Variants in HMGB1 observed in about 807,000 individuals in gnomAD.
HMGB1 encodes the protein high mobility group box 1.
For missense variants in HMGB1, 79 were observed against 253.5 expected, an observed-to-expected ratio of 0.31 and a Z score of 4.67; for synonymous variants, 81 against 84.0, an observed-to-expected ratio of 0.96 and a Z score of 0.19.
chr13:30,466,260 C>A (rs1170800123), upstream of HMGB1, among the ~76,000 whole-genome samples: 2 of 151,678 alleles, frequency 1.3e-5, no homozygotes, highest in African/African-American at 4.9e-5. Flanking sequence ...CCACAAGTGT[C>A]TCCAACTCCT....
At chr13:30,567,796 C>T (rs148131058) in intron 1 of HMGB1, among the ~76,000 whole-genome samples, 197 of 152,306 alleles carry the variant, frequency 1.3e-3, no homozygotes, top group African/African-American at 4.5e-3. Context: ...CACTCCATCA[C>T]GGCTCCCAGG....
chr13:30,465,403 C>T (rs1370471485), intron 1 of HMGB1, among the ~76,000 whole-genome samples: 1 of 143,082 alleles, frequency 7.0e-6, no homozygotes, highest in East Asian at 2.0e-4. Flanking sequence ...CGCCGCCGAG[C>T]CGCGCCGGCC....
intron 1 of HMGB1, among the ~76,000 whole-genome samples, chr13:30,569,954 C>T (rs992535219): frequency 6.6e-6 from 1 of 152,194 alleles, no homozygotes; most frequent in Non-Finnish European, 1.5e-5. Flanking sequence ...CAACAGTTCC[C>T]TAGCCTGCCT....
At chr13:30,593,296 T>C (rs8001418) in intron 1 of HMGB1, among the ~76,000 whole-genome samples, 81,500 of 152,044 alleles carry the variant, frequency 0.54, 24,498 homozygotes, top group African/African-American at 0.81. Flanking sequence ...ATAAACAATA[T>C]GGCATATTAA....
intron 1 of HMGB1, among the ~76,000 whole-genome samples, chr13:30,538,695 TTCTTTCTTTTTCTTTCTTTCTTC>T (rs1868681745): frequency 2.1e-5 from 3 of 140,264 alleles, no homozygotes; most frequent in Non-Finnish European, 3.0e-5. Context: ...CTTTCTTTCT[TTCTTTCTTTTTCTTTCTTTCTTC>T]TTTTTCTTTC....
intron 1 of HMGB1, among the ~76,000 whole-genome samples, chr13:30,574,384 T>C (rs1870558273): frequency 6.6e-6 from 1 of 152,258 alleles, no homozygotes; most frequent in Non-Finnish European, 1.5e-5. Flanking sequence ...CTTATTAAGT[T>C]CTGTATTCCT....
chr13:30,551,953 C>T (rs1218848556), intron 1 of HMGB1, among the ~76,000 whole-genome samples: 1 of 152,126 alleles, frequency 6.6e-6, no homozygotes. Context: ...CCTTGGCCTC[C>T]AAAGTGCTGG....
In HMGB1 at chr13:30,464,372, G is replaced by A. The variant is rs555433543; in HGVS notation, c.-14-678C>T. 350 of 985,404 alleles carry A rather than the reference G, an allele frequency of 3.6e-4. 2 individuals are homozygous for A. The African/African-American group carries it at 5.9e-3, about 17-fold the overall frequency. The allele number at this position is 985,404 out of a possible 1,614,324, so 61.0% of individuals were successfully genotyped here. A position where few individuals can be genotyped will look rare whatever the true frequency, so the allele number is the denominator to read the frequency against. On this transcript the variant is annotated intron_variant, in intron 1 of 4. Transcript: ENST00000341423. ...TTTCTCCGAGTAAACAAGGATGAGG[G>A]ACAAAAGCCACTCCTGCTCGTGGCT...
chr13:30,470,816 T>G (rs535623292), upstream of HMGB1, among the ~76,000 whole-genome samples: 6 of 152,006 alleles, frequency 3.9e-5, no homozygotes, highest in African/African-American at 1.4e-4. Context: ...GCCCAACTAA[T>G]TTTTGTATTT....
At chr13:30,491,271 C>A (rs1375490393) in intron 1 of HMGB1, among the ~76,000 whole-genome samples, 1 of 150,446 alleles carries the variant, frequency 6.6e-6, no homozygotes. Context: ...CTTAGATGAT[C>A]TGCCTGCCTT....
At chr13:30,535,687 C>T (rs549723307) in intron 1 of HMGB1, among the ~76,000 whole-genome samples, 15 of 152,174 alleles carry the variant, frequency 9.9e-5, no homozygotes, top group East Asian at 1.9e-4. Context: ...GTCAGGAGTT[C>T]GAAACCAGCC....
intron 1 of HMGB1, among the ~76,000 whole-genome samples, chr13:30,538,493 T>TCTTTCTTTCTTTCTTTCTTTC (rs1566018734): frequency 8.4e-5 from 4 of 47,472 alleles, no homozygotes; most frequent in African/African-American, 2.2e-4. Context: ...TTTCTTTCTT[T>TCTTTCTTTCTTTCTTTCTTTC]CTTTCTTTCT....
intron 1 of HMGB1, among the ~76,000 whole-genome samples, chr13:30,579,709 G>A (rs1870819166): frequency 6.6e-6 from 1 of 152,112 alleles, no homozygotes; most frequent in Non-Finnish European, 1.5e-5. Context: ...GTACGTAAAT[G>A]CCTGGCACTT....
intron 1 of HMGB1, among the ~76,000 whole-genome samples, chr13:30,518,880 C>A (rs1393186007): frequency 6.6e-6 from 1 of 150,376 alleles, no homozygotes; most frequent in Non-Finnish European, 1.5e-5. Context: ...TGCCACCACA[C>A]CCAGCTAATT....
At chr13:30,470,562 G>T (rs1886896440), upstream of HMGB1, among the ~76,000 whole-genome samples, 1 of 152,212 alleles carries the variant, frequency 6.6e-6, no homozygotes, top group African/African-American at 2.4e-5. Flanking sequence ...TGGATACAGT[G>T]AACTATGGCA....
intron 1 of HMGB1, among the ~76,000 whole-genome samples, chr13:30,603,042 A>G (rs1341937654): frequency 1.3e-5 from 2 of 152,202 alleles, no homozygotes; most frequent in Non-Finnish European, 2.9e-5. Flanking sequence ...CCTGGGCTGA[A>G]GCAATCTGCC....
intron 1 of HMGB1, among the ~76,000 whole-genome samples, chr13:30,563,092 C>T (rs1870032650): frequency 6.6e-6 from 1 of 152,198 alleles, no homozygotes; most frequent in South Asian, 2.1e-4. Flanking sequence ...TACTAGTCTA[C>T]AGCAGGAATT....
intron 1 of HMGB1, among the ~76,000 whole-genome samples, chr13:30,562,194 G>C (rs1160139093): frequency 6.6e-6 from 1 of 151,832 alleles, no homozygotes; most frequent in African/African-American, 2.4e-5. Context: ...CTACTAGGGA[G>C]GCTGAGGCAG....
chr13:30,545,839 C>G (rs1342554433), intron 1 of HMGB1, among the ~76,000 whole-genome samples: 1 of 152,042 alleles, frequency 6.6e-6, no homozygotes, highest in East Asian at 1.9e-4. Flanking sequence ...GTAGCTAGGA[C>G]TGCAAGTGTG....
Sources: gnomAD v4.1 joint callset for allele counts (sites outside exome capture counted in the v4.1 genomes callset) on GRCh38, gnomAD v4.1.1 for gene constraint, MANE v1.5 for transcripts, NCBI Gene and HGNC (gene_info 2026-07-23, HGNC 2026-07-21) for gene names.